The following PDE4D variants were observed in gnomAD, a reference collection of about 807,000 sequenced individuals.
The protein encoded by PDE4D is phosphodiesterase 4D.
In PDE4D, 24 loss-of-function variants were observed where a neutral mutation model predicts 87.4. That is an observed-to-expected ratio of 0.27 (90% CI 0.20 to 0.39). The LOEUF is 0.39. Among genes scored for constraint, PDE4D ranks in the 10% least tolerant of loss-of-function variants. The pLI, the probability that PDE4D is intolerant of heterozygous loss-of-function variation, is 1.00. For missense variants in PDE4D, 714 were observed against 1,041.0 expected, an observed-to-expected ratio of 0.69 and a Z score of 4.32; for synonymous variants, 384 against 383.2, an observed-to-expected ratio of 1.00 and a Z score of -0.02.
chr5:59,308,335 T>TA (rs1771848521), intron 1 of PDE4D, among the ~76,000 whole-genome samples: 6 of 150,984 alleles, frequency 4.0e-5, no homozygotes, highest in Admixed American at 1.3e-4. Flanking sequence ...TAATAATAAT[T>TA]TAAAAAAAAA....
chr5:60,155,072 T>C (rs1781845281), intron 2 of PDE4D, among the ~76,000 whole-genome samples: 1 of 152,220 alleles, frequency 6.6e-6, no homozygotes, highest in African/African-American at 2.4e-5. Flanking sequence ...TGTATAGTCT[T>C]TTATGAAAAG....
chr5:60,330,675 A>C (rs1757241424), intron 1 of PDE4D, among the ~76,000 whole-genome samples: 1 of 152,210 alleles, frequency 6.6e-6, no homozygotes, highest in Admixed American at 6.5e-5. Flanking sequence ...AATCACCTTA[A>C]TACTCAGAGT....
At position 60,050,028 on chromosome 5, in the gene PDE4D, C is replaced by T. The variant is rs535596332; in HGVS notation, c.43-61311G>A. Among the ~76,000 whole-genome samples the T allele has an allele frequency of 5.9e-5, 9 of 152,302 alleles. No individual in the cohort carries two copies. In the South Asian group the frequency reaches 8.3e-4, roughly 14 times the overall value. On this transcript the variant is annotated intron_variant, in intron 2 of 16. Coordinates refer to the PDE4D transcript ENST00000502484. ...CTAGCAATCAGCGAGACTCTGTTGG[C>T]GTAGGACCCTCCAAGCCAGGTGCAG...
chr5:59,469,080 C>A (rs1007261208), intron 1 of PDE4D, among the ~76,000 whole-genome samples: 2 of 152,146 alleles, frequency 1.3e-5, no homozygotes, highest in Admixed American at 6.5e-5. Flanking sequence ...GTAATCCCAG[C>A]ACTTTGGGAG....
chr5:60,279,593 C>T (rs1386870498), intron 1 of PDE4D, among the ~76,000 whole-genome samples: 2 of 151,760 alleles, frequency 1.3e-5, no homozygotes, highest in African/African-American at 4.8e-5. Context: ...TAGGTTGACC[C>T]TCTCTGGTCC....
intron 1 of PDE4D, among the ~76,000 whole-genome samples, chr5:59,835,135 C>A (rs1366758305): frequency 6.6e-6 from 1 of 152,020 alleles, no homozygotes; most frequent in Non-Finnish European, 1.5e-5. Context: ...AGGTTTGAGT[C>A]CTTGATTTGT....
chr5:60,113,170 C>G (rs1167996876), intron 2 of PDE4D, among the ~76,000 whole-genome samples: 2 of 152,112 alleles, frequency 1.3e-5, no homozygotes, highest in African/African-American at 2.4e-5. Flanking sequence ...ACTCTGTGTT[C>G]ACCATTTAAA....
chr5:60,125,109 C>T (rs1779015362), intron 2 of PDE4D, among the ~76,000 whole-genome samples: 1 of 152,020 alleles, frequency 6.6e-6, no homozygotes, highest in South Asian at 2.1e-4. Flanking sequence ...TCATCAATAC[C>T]CAAATTAGAT....
intron 1 of PDE4D, among the ~76,000 whole-genome samples, chr5:59,635,782 T>G (rs1832161192): frequency 6.6e-6 from 1 of 152,206 alleles, no homozygotes; most frequent in African/African-American, 2.4e-5. Flanking sequence ...AACAACATAC[T>G]GAATGGGCAA....
At chr5:60,012,278 T>C (rs1167484580) in intron 2 of PDE4D, among the ~76,000 whole-genome samples, 1 of 152,200 alleles carries the variant, frequency 6.6e-6, no homozygotes, top group Non-Finnish European at 1.5e-5. Flanking sequence ...TGCATGCTAC[T>C]TTTTCCTTTT....
At chr5:59,669,383 A>G (rs544541951) in intron 1 of PDE4D, among the ~76,000 whole-genome samples, 181 of 152,318 alleles carry the variant, frequency 1.2e-3, no homozygotes, top group Non-Finnish European at 2.0e-3. Flanking sequence ...AAATGCTGGG[A>G]TTACAGGCAT....
At chr5:60,469,793 A>T (rs1485501970) in intron 1 of PDE4D, among the ~76,000 whole-genome samples, 2 of 152,164 alleles carry the variant, frequency 1.3e-5, no homozygotes, top group African/African-American at 2.4e-5. Context: ...AATAATGTGT[A>T]TTCTCTAACT....
At chr5:60,383,848 A>G (rs888611919) in intron 1 of PDE4D, among the ~76,000 whole-genome samples, 2 of 152,202 alleles carry the variant, frequency 1.3e-5, no homozygotes, top group African/African-American at 4.8e-5. Flanking sequence ...TTTGGTACTA[A>G]GAATTAACTT....
chr5:59,174,116 A>C (rs989951629), intron 5 of PDE4D, among the ~76,000 whole-genome samples: 1 of 152,182 alleles, frequency 6.6e-6, no homozygotes, highest in Non-Finnish European at 1.5e-5. Context: ...ATTAAATATC[A>C]TTATTGTTTT....
At chr5:59,613,116 T>C (rs777826441) in intron 1 of PDE4D, among the ~76,000 whole-genome samples, 2 of 152,030 alleles carry the variant, frequency 1.3e-5, no homozygotes, top group Non-Finnish European at 2.9e-5. Flanking sequence ...GTGGGAAAGT[T>C]GGTGGCCGGA....
At chr5:59,477,651 A>T (rs979994909) in intron 1 of PDE4D, among the ~76,000 whole-genome samples, 3 of 152,100 alleles carry the variant, frequency 2.0e-5, no homozygotes, top group Non-Finnish European at 4.4e-5. Context: ...AGATTTCTCA[A>T]AGAACTTAAA....
chr5:59,634,785 G>A (rs879119195), intron 1 of PDE4D, among the ~76,000 whole-genome samples: 8 of 152,118 alleles, frequency 5.3e-5, no homozygotes, highest in African/African-American at 1.2e-4. Context: ...GAGAAAGCAG[G>A]AAAGATCTAA....
intron 1 of PDE4D, among the ~76,000 whole-genome samples, chr5:59,649,455 A>G (rs1743008496): frequency 6.6e-6 from 1 of 152,130 alleles, no homozygotes; most frequent in South Asian, 2.1e-4. Context: ...AGTAATTGAA[A>G]TTGGTTAGGA....
At chr5:59,711,332 C>T (rs897233850) in intron 1 of PDE4D, among the ~76,000 whole-genome samples, 6 of 151,864 alleles carry the variant, frequency 4.0e-5, no homozygotes, top group African/African-American at 1.5e-4. Flanking sequence ...CTTTCCACTG[C>T]AGTATTTATC....
Sources: gnomAD v4.1 joint callset for allele counts (sites outside exome capture counted in the v4.1 genomes callset) on GRCh38, gnomAD v4.1.1 for gene constraint, MANE v1.5 for transcripts, NCBI Gene and HGNC (gene_info 2026-07-23, HGNC 2026-07-21) for gene names.